Variants in ZNF726 observed in about 807,000 individuals in gnomAD.
The protein encoded by ZNF726 is zinc finger protein 92 pseudogene 3.
A neutral mutation model predicts 11.6 loss-of-function variants in ZNF726; 15 were observed. That is an observed-to-expected ratio of 1.29 (90% CI 0.86 to 1.99). The LOEUF (loss-of-function observed/expected upper bound fraction) is 1.99. Ranked by LOEUF, ZNF726 falls within the 30% of genes most tolerant of loss-of-function variation. The pLI, the probability that ZNF726 is intolerant of heterozygous loss-of-function variation, is 0.00. For missense variants in ZNF726, 890 were observed against 725.6 expected (o/e 1.23, Z -2.60); for synonymous variants, 295 against 243.6 (o/e 1.21, Z -1.96).
downstream of ZNF726, among the ~76,000 whole-genome samples, chr19:23,935,005 C>G (rs145899763): frequency 0.05 from 7,604 of 152,266 alleles, 301 homozygotes; most frequent in South Asian, 0.079. Flanking sequence ...TTTCAGACAC[C>G]ATAGCATGGG....
downstream of ZNF726, among the ~76,000 whole-genome samples, chr19:23,937,542 C>A (rs559724094): frequency 4.1e-5 from 6 of 147,254 alleles, no homozygotes; most frequent in Non-Finnish European, 7.5e-5. Flanking sequence ...ACATCTCAGA[C>A]GATGGGCAGC....
rs115272464 is a variant in ZNF726 at position 23,918,322 on chromosome 19, C to T, written c.4-1051C>T. On this transcript the variant is annotated intron_variant, in intron 1 of 3. Transcript: ENST00000594466. The stretch of plus-strand genomic sequence containing the variant: ...CAGTATTCAACATCTATGCATTACA[C>T]GATTAAGAAAAGGCTCATTTAAACA... Among the ~76,000 whole-genome samples the T allele has an allele frequency of 6.9e-3, 1,057 of 152,112 alleles. 15 individuals carry two copies. The highest frequency in any genetic ancestry group is 0.024 in the African/African-American group (992 of 41,474).
In ZNF726 at chr19:23,933,717, A is replaced by G. The variant is rs771997884; in HGVS notation, c.1601A>G (p.Glu534Gly). 17 of 1,612,584 alleles carry G rather than the reference A, an allele frequency of 1.1e-5. No homozygotes were observed. Among genetic ancestry groups the G allele is most frequent in the Non-Finnish European group, 1.4e-5 (17 of 1,179,984 alleles). ...LSKHKRIHTG[E>G]KPYKCEECGK... ...AAACATAAGAGGATTCACACTGGAG[A>G]GAAACCCTACAAATGTGAAGAATGT... is the stretch of plus-strand genomic sequence containing the variant. The change falls in exon 4 of 4, where the codon GAG becomes GGG. Residue 534 changes from glutamate (E) to glycine (G), a missense_variant. Glu to Gly is a moderately conservative substitution (Grantham distance 98). Transcript: ENST00000594466.
At chr19:23,928,103 C>G (rs1716152324) in intron 3 of ZNF726, 1 of 152,064 alleles carries the variant, frequency 6.6e-6, no homozygotes, top group South Asian at 2.1e-4. Flanking sequence ...ATTAGAAGAA[C>G]CTGGCTCCTT....
At chr19:23,927,930 C>A (rs1157117908) in intron 3 of ZNF726, 4 of 152,150 alleles carry the variant, frequency 2.6e-5, no homozygotes, top group African/African-American at 4.8e-5. Flanking sequence ...TTTTGATGTT[C>A]ATGTCCTCCA....
At position 23,933,455 on chromosome 19, in the gene ZNF726, C is replaced by T; in HGVS notation, c.1339C>T (p.His447Tyr). The change falls in exon 4 of 4, where the codon CAT becomes TAT. Residue 447 changes from histidine to tyrosine, a missense_variant. His to Tyr is a moderately conservative substitution (Grantham distance 83). Coordinates refer to ENST00000594466, the MANE Select transcript of ZNF726 (RefSeq NM_001244038.2). ...AAACCTTACTGAACATAAGAAAATT[C>T]ATACTAGAGAGAAACCCTACAAATG... Reference protein sequence around the residue: ...SSNLTEHKKIHTREKPYKCEE... With the variant: ...SSNLTEHKKIYTREKPYKCEE... 6.2e-7 allele frequency: 1 copy of T among 1,612,432 alleles called. No individual in the cohort carries two copies. The highest frequency in any genetic ancestry group is 8.5e-7 in the Non-Finnish European group (1 of 1,179,572).
rs779227511 is a variant in ZNF726 at position 23,933,505 on chromosome 19, C to T, written c.1389C>T (p.Ser463=). 19 of 1,608,396 alleles carry T rather than the reference C, an allele frequency of 1.2e-5. No individual in the cohort carries two copies. The East Asian group carries it at 3.6e-4, about 30-fold the overall frequency. ...YKCEECSKAF[S]RSSALTTHKR... is the part of the protein sequence containing the mutation. The stretch of plus-strand genomic sequence containing the variant: ...GTGAAGAATGTAGTAAAGCATTTAG[C>T]CGATCCTCAGCCCTAACTACACATA... Residue 463 remains serine, a synonymous_variant, in exon 4 of 4, where the codon AGC becomes AGT. Coordinates refer to ENST00000594466, the MANE Select transcript of ZNF726 (RefSeq NM_001244038.2).
intron 3 of ZNF726, chr19:23,928,528 A>G (rs1224068211): frequency 1.3e-5 from 2 of 152,212 alleles, no homozygotes; most frequent in Non-Finnish European, 2.9e-5. Context: ...ATAGATAGAT[A>G]TAGTAGTTAT....
chr19:23,933,088 G>T lies in ZNF726; in HGVS notation c.972G>T (p.Trp324Cys), dbSNP rs1230128414. Residue 324 changes from tryptophan (W) to cysteine (C), a missense_variant, in exon 4 of 4, where the codon TGG (tryptophan) becomes TGT (cysteine). Transcript: ENST00000594466. ...KCEECGKAFV[W>C]SSTLTRHKRL... ...AAGAATGTGGCAAAGCATTTGTTTG[G>T]TCCTCAACCCTAACTAGACATAAGA... 5 of 1,609,834 alleles carry T rather than the reference G, an allele frequency of 3.1e-6. No individual in the cohort carries two copies. The highest frequency in any genetic ancestry group is 4.2e-6 in the Non-Finnish European group (5 of 1,179,342).
In ZNF726 at chr19:23,933,747, A is replaced by G; in HGVS notation, c.1631A>G (p.Lys544Arg). 3.1e-6 allele frequency: 5 copies of G among 1,612,088 alleles called. No homozygotes were observed. The highest frequency in any genetic ancestry group is 2.7e-5 in the African/African-American group (2 of 74,884). Residue 544 changes from lysine to arginine, a missense_variant, in exon 4 of 4, where the codon AAA becomes AGA. By Grantham distance (26) the Lys-to-Arg change is conservative. Transcript: ENST00000594466. Reference sequence around the variant, plus strand: ...CCCTACAAATGTGAAGAATGTGGCAAAACTTTTAATCAATCCTCAAATCTT... The same window carrying G: ...CCCTACAAATGTGAAGAATGTGGCAGAACTTTTAATCAATCCTCAAATCTT... ...EKPYKCEECG[K>R]TFNQSSNLST... is the part of the protein sequence containing the mutation.
downstream of ZNF726, among the ~76,000 whole-genome samples, chr19:23,938,610 C>A (rs1432428413): frequency 1.5e-5 from 2 of 134,194 alleles, no homozygotes; most frequent in South Asian, 4.9e-4. Context: ...TTTTTTTTTT[C>A]CTTTTTTTTT....
intron 3 of ZNF726, among the ~76,000 whole-genome samples, chr19:23,930,946 C>T (rs991192405): frequency 1.3e-5 from 2 of 152,078 alleles, no homozygotes; most frequent in East Asian, 3.9e-4. Context: ...AATCTTAATA[C>T]GTATTAAACA....
At chr19:23,930,829 AAC>A (rs1474762737) in intron 3 of ZNF726, among the ~76,000 whole-genome samples, 3 of 152,204 alleles carry the variant, frequency 2.0e-5, no homozygotes, top group East Asian at 1.9e-4. Flanking sequence ...TTGTCTAAAA[AAC>A]ACGACAAAAT....
At chr19:23,938,378 AAAAT>A (rs1484746687), downstream of ZNF726, among the ~76,000 whole-genome samples, 1 of 152,158 alleles carries the variant, frequency 6.6e-6, no homozygotes, top group African/African-American at 2.4e-5. Flanking sequence ...ATATTGGAAC[AAAAT>A]AAATCATTTT....
At chr19:23,939,862 A>ATTTTTTTTTTT (rs374902806) in intron 3 of ZNF726, among the ~76,000 whole-genome samples, 3,510 of 86,760 alleles carry the variant, frequency 0.04, 284 homozygotes, top group Non-Finnish European at 0.055. Context: ...TTTTGATGGG[A>ATTTTTTTTTTT]TTTTTTTTTT....
downstream of ZNF726, chr19:23,935,484 C>A (rs750133790): frequency 2.1e-6 from 1 of 473,728 alleles, no homozygotes; most frequent in South Asian, 1.6e-5. Flanking sequence ...ATATGGAAAG[C>A]CTAAAAAAGT....
intron 2 of ZNF726, 91 bp from the exon 3 acceptor site, chr19:23,919,896 A>G: frequency 1.4e-6 from 1 of 707,820 alleles, no homozygotes; most frequent in East Asian, 4.3e-5. Flanking sequence ...TTATTAGAAT[A>G]TTCTATTATA....
At chr19:23,916,157 C>T (rs997574244) in intron 1 of ZNF726, among the ~76,000 whole-genome samples, 5 of 152,110 alleles carry the variant, frequency 3.3e-5, no homozygotes, top group Non-Finnish European at 4.4e-5. Flanking sequence ...CAAGCAGGGC[C>T]TCAAGTCTGC....
chr19:23,934,274 A>T lies in ZNF726; in HGVS notation c.*307A>T. On this transcript the variant is annotated 3_prime_UTR_variant, in exon 4 of 4. Coordinates refer to ENST00000594466, the MANE Select transcript of ZNF726 (RefSeq NM_001244038.2). ...ATGGTCCACACCCCTAAGTAGACAT[A>T]AGAGGATGCACACTGGAGAGAAACC... 3.1e-6 allele frequency: 2 copies of T among 652,430 alleles called. No individual in the cohort carries two copies. Among genetic ancestry groups the T allele is most frequent in the Non-Finnish European group, 5.9e-6 (2 of 340,410 alleles). The allele number at this position is 652,430 out of a possible 1,614,324, so 40.4% of individuals were successfully genotyped here.
Sources: allele counts gnomAD v4.1 joint callset (sites outside exome capture counted in the v4.1 genomes callset), GRCh38; gene constraint gnomAD v4.1.1; transcripts MANE v1.5; gene names NCBI Gene and HGNC (gene_info 2026-07-23, HGNC 2026-07-21).